VNN1: variants seen among roughly 807,000 people sequenced by gnomAD.
VNN1 encodes vanin 1, also known as pantetheinase.
In VNN1, 29 loss-of-function variants were observed where a neutral mutation model predicts 41.9. That is an observed-to-expected ratio of 0.69 (90% CI 0.52 to 0.94). The LOEUF (loss-of-function observed/expected upper bound fraction) is 0.94. VNN1 is among the 40% of genes least tolerant of loss of function. The pLI is 0.00. For synonymous variants in VNN1, 233 were observed against 224.4 expected (o/e 1.04, Z -0.34); for missense variants, 637 against 621.1 (o/e 1.03, Z -0.27).
chr6:132,691,094 C>A (rs1778278145), intron 5 of VNN1, among the ~76,000 whole-genome samples: 1 of 152,018 alleles, frequency 6.6e-6, no homozygotes, highest in South Asian at 2.1e-4. Flanking sequence ...ATTGCAGAAG[C>A]CCAGGATATT....
At chr6:132,711,610 A>C in intron 2 of VNN1, 99 bp downstream of exon 2, 1 of 1,372,204 alleles carries the variant, frequency 7.3e-7, no homozygotes, top group Non-Finnish European at 9.9e-7. Flanking sequence ...CTGAAACTTA[A>C]GAATTGATCA....
At chr6:132,707,796 G>A (rs957750475) in intron 2 of VNN1, among the ~76,000 whole-genome samples, 14 of 152,106 alleles carry the variant, frequency 9.2e-5, no homozygotes, top group African/African-American at 3.1e-4. Context: ...GGGAGGAGTG[G>A]GGAGAAAGTG....
chr6:132,696,049 A>G (rs1190251297), intron 2 of VNN1, among the ~76,000 whole-genome samples: 1 of 152,220 alleles, frequency 6.6e-6, no homozygotes, highest in East Asian at 1.9e-4. Context: ...CTAAACACAG[A>G]CTTTAAAACA....
intron 2 of VNN1, chr6:132,699,212 T>C: frequency 2.9e-6 from 1 of 340,950 alleles, no homozygotes. Flanking sequence ...GGAGAAGTTG[T>C]AATGTAAAGT....
intron 2 of VNN1, among the ~76,000 whole-genome samples, chr6:132,700,026 T>C (rs564499568): frequency 2.6e-5 from 4 of 152,314 alleles, no homozygotes; most frequent in African/African-American, 9.6e-5. Context: ...CAGGCTCATT[T>C]TAAGTTACAC....
chr6:132,698,120 G>T (rs1778397530), intron 2 of VNN1, among the ~76,000 whole-genome samples: 1 of 152,214 alleles, frequency 6.6e-6, no homozygotes, highest in African/African-American at 2.4e-5. Context: ...TAAAAATTCA[G>T]TTTGCTTATG....
chr6:132,683,675 G>A (rs1778163505), intron 6 of VNN1, among the ~76,000 whole-genome samples: 1 of 152,158 alleles, frequency 6.6e-6, no homozygotes, highest in Admixed American at 6.5e-5. Context: ...TTGACTAACA[G>A]GGATTTGAAC....
intron 2 of VNN1, among the ~76,000 whole-genome samples, chr6:132,694,517 A>G (rs1251995408): frequency 2.6e-5 from 4 of 152,126 alleles, no homozygotes; most frequent in Non-Finnish European, 4.4e-5. Context: ...AATGACTTAC[A>G]TATCCCGTTT....
At chr6:132,713,802 C>A in intron 1 of VNN1, 24 bp downstream of exon 1, 1 of 1,611,438 alleles carries the variant, frequency 6.2e-7, no homozygotes, top group Middle Eastern at 2.2e-4. Flanking sequence ...ATCCAGTACA[C>A]TGGAGAGATG....
chr6:132,713,071 G>A (rs751319388), intron 1 of VNN1, among the ~76,000 whole-genome samples: 1 of 152,152 alleles, frequency 6.6e-6, no homozygotes. Flanking sequence ...GGAAGTCAAG[G>A]CTGCAGTGAG....
At chr6:132,683,561 G>A (rs1011465275) in intron 6 of VNN1, among the ~76,000 whole-genome samples, 2 of 152,144 alleles carry the variant, frequency 1.3e-5, no homozygotes, top group African/African-American at 4.8e-5. Flanking sequence ...CTGTGGAAGC[G>A]CCGTAAGAGT....
intron 2 of VNN1, 87 bp downstream of exon 2, chr6:132,711,622 G>T: frequency 7.1e-7 from 1 of 1,412,286 alleles, no homozygotes; most frequent in Non-Finnish European, 9.6e-7. Flanking sequence ...AATTGATCAT[G>T]GATCTATGCA....
Position 132,713,862 on chromosome 6 carries a change from G to A in VNN1, c.174C>T (p.Asp58=), listed in dbSNP as rs1449660421. 3 of 1,613,332 alleles carry A rather than the reference G, an allele frequency of 1.9e-6. No homozygotes were observed. In the African/African-American group the frequency reaches 4.0e-5, roughly 22 times the overall value. ...EALALMNRNL[D]ILEGAITSAA... The stretch of plus-strand genomic sequence containing the variant: ...CTGATGTGATCGCTCCTTCCAAAAT[G>A]TCCAGATTCCGATTCATTAATGCCA... Residue 58 remains aspartate (D), a synonymous_variant, in exon 1 of 7, where the codon GAC becomes GAT. Transcript: ENST00000367928.
At chr6:132,708,302 T>G (rs78504236) in intron 2 of VNN1, among the ~76,000 whole-genome samples, 1 of 152,218 alleles carries the variant, frequency 6.6e-6, no homozygotes, top group Non-Finnish European at 1.5e-5. Context: ...TGATGCCTCA[T>G]AACAACTGCT....
chr6:132,684,494 CA>C lies in VNN1; in HGVS notation c.1199del (p.Leu400ArgfsTer2), dbSNP rs1236936198. 3.7e-6 allele frequency: 6 copies of C among 1,613,802 alleles called. No homozygotes were observed. Among genetic ancestry groups the C allele is most frequent in the Admixed American group, 1.7e-5 (1 of 59,972 alleles). ...TTAAATTAGTCGTTTTACATTTCAACAGGGTACAAATCTAGGGAAGTCATGA... is the reference window on the plus strand; with the variant it reads ...TTAAATTAGTCGTTTTACATTTCAACGGGTACAAATCTAGGGAAGTCATGA... ...EGRYYLQICT[L>X]LKCKTTNLNT... On this transcript the variant is annotated frameshift_variant, in exon 6 of 7. Coordinates refer to ENST00000367928, the MANE Select transcript of VNN1 (RefSeq NM_004666.3). LOFTEE classifies it high-confidence loss of function.
chr6:132,696,346 G>A (rs1398640933), intron 2 of VNN1, among the ~76,000 whole-genome samples: 3 of 152,280 alleles, frequency 2.0e-5, no homozygotes, highest in Non-Finnish European at 1.5e-5. Flanking sequence ...ACCATTGAGT[G>A]TCCAACACAT....
chr6:132,698,174 G>A (rs1418436029), intron 2 of VNN1, among the ~76,000 whole-genome samples: 1 of 152,196 alleles, frequency 6.6e-6, no homozygotes, highest in Non-Finnish European at 1.5e-5. Flanking sequence ...TATTTGCTGA[G>A]TCCTTAATCC....
rs45523444 is a variant in VNN1, at chr6:132,692,523, C to T, written c.888G>A (p.Glu296=). The part of the protein sequence containing the change: ...RAFHYDMKTE[E]GKLLLSQLDS... ...CCAGTTGCGAGAGGAGGAGTTTTCC[C>T]TCTTCTGTCTTCATATCATAATGAA... Residue 296 remains glutamate, a synonymous_variant, in exon 5 of 7, where the codon GAG becomes GAA. Transcript: ENST00000367928. 8 of 1,610,890 alleles carry T rather than the reference C, an allele frequency of 5.0e-6. No homozygotes were observed. The highest frequency in any genetic ancestry group is 6.8e-6 in the Non-Finnish European group (8 of 1,179,850).
rs142481057 is a variant in VNN1, at chr6:132,685,220, T to A, written c.1189-715A>T. Among the ~76,000 whole-genome samples the A allele has an allele frequency of 1.3e-3, 195 of 152,316 alleles. 2 individuals are homozygous for A. The highest frequency in any genetic ancestry group is 1.7e-3 in the East Asian group (9 of 5,188). ...TTCTTCCACTATAGTACGTAGCTAT[T>A]TGAATATAAAATCTAAGTATGTGAG... is the stretch of plus-strand genomic sequence containing the variant. On this transcript the variant is annotated intron_variant, in intron 5 of 6. Transcript: ENST00000367928.
Sources: gnomAD v4.1 joint callset for allele counts (sites outside exome capture counted in the v4.1 genomes callset) on GRCh38, gnomAD v4.1.1 for gene constraint, MANE v1.5 for transcripts, NCBI Gene and HGNC (gene_info 2026-07-23, HGNC 2026-07-21) for gene names.